The following RFTN2 variants were observed in gnomAD, a reference collection of about 807,000 sequenced individuals.
RFTN2 encodes the protein raftlin family member 2.
RFTN2 carries 34 observed loss-of-function variants against 52.7 expected under a neutral mutation model. The ratio of observed to expected loss-of-function variants is 0.64; its 90% CI spans 0.49 to 0.86. The LOEUF is 0.86. RFTN2 is among the 40% of genes least tolerant of loss of function. The pLI, the probability that RFTN2 is intolerant of heterozygous loss-of-function variation, is 0.00. For synonymous variants in RFTN2, 203 were observed against 217.7 expected, an observed-to-expected ratio of 0.93 and a Z score of 0.59; for missense variants, 536 against 600.1, an observed-to-expected ratio of 0.89 and a Z score of 1.12.
At chr2:197,634,112 C>G in intron 3 of RFTN2, 115 bp from the exon 4 acceptor site, 1 of 854,240 alleles carries the variant, frequency 1.2e-6, no homozygotes, top group Non-Finnish European at 1.8e-6. Context: ...AGTAACTTGA[C>G]CAGTGACAAG....
Position 197,667,564 on chromosome 2 carries a change from T to C in RFTN2, c.139+7756A>G, listed in dbSNP as rs574445096. ...ATGCATCTGGTGTAACAGCCACTTC[T>C]TCCAATTTTTTGAACTGCTTTTGTG... is the stretch of plus-strand genomic sequence containing the variant. On this transcript the variant is annotated intron_variant, in intron 1 of 8. Coordinates refer to ENST00000295049, the MANE Select transcript of RFTN2 (RefSeq NM_144629.3). Among the ~76,000 whole-genome samples, 68 of 152,374 alleles carry C rather than the reference T, an allele frequency of 4.5e-4. 2 individuals carry two copies. The South Asian group carries it at 0.01, about 23-fold the overall frequency.
At chr2:197,623,606 G>A (rs566387759) in intron 5 of RFTN2, among the ~76,000 whole-genome samples, 3 of 152,124 alleles carry the variant, frequency 2.0e-5, no homozygotes, top group African/African-American at 7.2e-5. Flanking sequence ...AGCCTCTTGA[G>A]TAGCTGGGAC....
chr2:197,660,689 G>A (rs1429962835), intron 1 of RFTN2, among the ~76,000 whole-genome samples: 1 of 151,728 alleles, frequency 6.6e-6, no homozygotes, highest in Non-Finnish European at 1.5e-5. Context: ...CCGAGTAGCT[G>A]GGATTACAGG....
At position 197,616,055 on chromosome 2, in the gene RFTN2, C is replaced by T. The variant is rs546195151; in HGVS notation, c.1051-76G>A. 146 of 840,814 alleles carry T rather than the reference C, an allele frequency of 1.7e-4. 2 individuals are homozygous for T. The South Asian group carries it at 1.8e-3, about 11-fold the overall frequency. 52.1% of individuals were successfully genotyped at this position (840,814 alleles called of 1,614,324 possible). A position where few individuals can be genotyped will look rare whatever the true frequency, so the allele number is the denominator to read the frequency against. ...TACACAATTACAACAAAGGGTGATG[C>T]GTGTTAGGATGAGGGGAGTTCACTT... On this transcript the variant is annotated intron_variant, in intron 6 of 8. Coordinates refer to ENST00000295049, the MANE Select transcript of RFTN2 (RefSeq NM_144629.3).
intron 7 of RFTN2, among the ~76,000 whole-genome samples, chr2:197,603,993 A>G (rs2106196573): frequency 6.6e-6 from 1 of 152,284 alleles, no homozygotes; most frequent in Admixed American, 6.5e-5. Context: ...CAGGTACTTT[A>G]TGAAAGAAAA....
chr2:197,623,532 G>T (rs1324670403), intron 5 of RFTN2, among the ~76,000 whole-genome samples: 1 of 152,206 alleles, frequency 6.6e-6, no homozygotes, highest in Non-Finnish European at 1.5e-5. Context: ...AGGCTGGAGT[G>T]CAGTGGCACG....
chr2:197,597,512 C>G (rs987100805), intron 7 of RFTN2, among the ~76,000 whole-genome samples: 6 of 151,898 alleles, frequency 4.0e-5, no homozygotes, highest in Non-Finnish European at 4.4e-5. Flanking sequence ...ATTGTGTTTT[C>G]TTTTTCTTTC....
intron 8 of RFTN2, among the ~76,000 whole-genome samples, chr2:197,578,781 G>A (rs554949831): frequency 6.6e-6 from 1 of 152,292 alleles, no homozygotes; most frequent in Middle Eastern, 3.4e-3. Flanking sequence ...ATGACATTTG[G>A]TGCCGTGATT....
intron 8 of RFTN2, among the ~76,000 whole-genome samples, chr2:197,583,078 T>C (rs1204916926): frequency 6.6e-6 from 1 of 152,200 alleles, no homozygotes; most frequent in African/African-American, 2.4e-5. Context: ...ACCTTTTCCA[T>C]GTAGGTTACA....
chr2:197,622,869 C>G (rs1028145205), intron 5 of RFTN2, among the ~76,000 whole-genome samples: 2 of 152,176 alleles, frequency 1.3e-5, no homozygotes, highest in African/African-American at 4.8e-5. Context: ...GGCTGGATGA[C>G]AGCACATCTG....
chr2:197,627,122 A>G (rs1231363098), intron 5 of RFTN2, among the ~76,000 whole-genome samples: 1 of 152,150 alleles, frequency 6.6e-6, no homozygotes, highest in Non-Finnish European at 1.5e-5. Flanking sequence ...GCCTTGCTCC[A>G]GAAACACAGA....
At chr2:197,589,260 C>G (rs892669756) in intron 8 of RFTN2, among the ~76,000 whole-genome samples, 2 of 141,940 alleles carry the variant, frequency 1.4e-5, no homozygotes, top group Non-Finnish European at 3.1e-5. Flanking sequence ...AAAAGGAGTT[C>G]CCCTGCACAA....
intron 8 of RFTN2, among the ~76,000 whole-genome samples, chr2:197,579,173 G>A (rs1035845401): frequency 1.5e-4 from 23 of 152,182 alleles, no homozygotes; most frequent in African/African-American, 5.3e-4. Flanking sequence ...ATTCACCCAC[G>A]TTTCAGAGGT....
chr2:197,586,342 C>T (rs1277559353), intron 8 of RFTN2, among the ~76,000 whole-genome samples: 1 of 152,100 alleles, frequency 6.6e-6, no homozygotes, highest in Non-Finnish European at 1.5e-5. Context: ...CCATTAAAAC[C>T]TCTGACAGCT....
rs1011054803 is a variant in RFTN2 at position 197,617,859 on chromosome 2, G to C, written c.991C>G (p.Pro331Ala). The C allele has an allele frequency of 1.2e-6, 2 of 1,608,326 alleles. No homozygotes were observed. The highest frequency in any genetic ancestry group is 1.7e-5 in the Admixed American group (1 of 59,846). ...TCATTTCCTTTCCTACTAGAACCTG[G>C]AACTCCAGAACCTTCTTCTTCATAG... ...FIYEEEGSGV[P>A]GSSRKGNDAI... The change falls in exon 6 of 9, where the codon CCA (proline) becomes GCA (alanine). Residue 331 changes from proline to alanine, a missense_variant. Transcript: ENST00000295049.
chr2:197,604,416 A>G (rs1050175968), intron 7 of RFTN2, among the ~76,000 whole-genome samples: 5 of 152,240 alleles, frequency 3.3e-5, no homozygotes, highest in Non-Finnish European at 7.3e-5. Context: ...TGCACACGGC[A>G]TAGGTAAAAC....
At position 197,572,269 on chromosome 2, in the gene RFTN2, G is replaced by T; in HGVS notation, c.1245C>A (p.Ser415Arg). The T allele has an allele frequency of 6.2e-7, 1 of 1,613,526 alleles. No individual in the cohort carries two copies. The highest frequency in any genetic ancestry group is 8.5e-7 in the Non-Finnish European group (1 of 1,179,414). ...SAAQTPDKKASRHIKGEDKNK... is the reference protein window; with the variant it reads ...SAAQTPDKKARRHIKGEDKNK... ...TCTTGTCTTCACCTTTTATGTGGCG[G>T]CTGGCTTTCTTCTGAAACACAAGAC... Residue 415 changes from serine (S) to arginine (R), a missense_variant, in exon 9 of 9, where the codon AGC becomes AGA. By Grantham distance (110) the Ser-to-Arg change is moderately radical. Transcript: ENST00000295049.
At chr2:197,602,363 C>T (rs1482806060) in intron 7 of RFTN2, among the ~76,000 whole-genome samples, 1 of 151,928 alleles carries the variant, frequency 6.6e-6, no homozygotes, top group Non-Finnish European at 1.5e-5. Flanking sequence ...GAGTCACTGC[C>T]CCCAGCTGAT....
chr2:197,637,540 A>G (rs1469872236), intron 3 of RFTN2, among the ~76,000 whole-genome samples: 2 of 152,172 alleles, frequency 1.3e-5, no homozygotes, highest in East Asian at 1.9e-4. Context: ...AGGTGTTTGT[A>G]GTATTCTCTG....
Sources: gnomAD v4.1 joint callset for allele counts (sites outside exome capture counted in the v4.1 genomes callset) on GRCh38, gnomAD v4.1.1 for gene constraint, MANE v1.5 for transcripts, NCBI Gene and HGNC (gene_info 2026-07-23, HGNC 2026-07-21) for gene names.